Variants in RSPH14 observed in about 807,000 individuals in gnomAD.
RSPH14 encodes radial spoke head 14 homolog.
In RSPH14, 20 loss-of-function variants were observed where a neutral mutation model predicts 26.7. The observed-to-expected ratio is 0.75, with a 90% confidence interval of 0.53 to 1.09. RSPH14 has a LOEUF of 1.09. Ranked by LOEUF, RSPH14 falls within the 50% of genes least tolerant of loss-of-function variation. The pLI, the probability that RSPH14 is intolerant of heterozygous loss-of-function variation, is 0.00. For synonymous variants in RSPH14, 177 were observed against 189.3 expected (o/e 0.93, Z 0.53); for missense variants, 449 against 457.2 (o/e 0.98, Z 0.16).
At chr22:23,063,051 G>A (rs2146210079) in intron 5 of RSPH14, among the ~76,000 whole-genome samples, 1 of 152,258 alleles carries the variant, frequency 6.6e-6, no homozygotes, top group Admixed American at 6.5e-5. Flanking sequence ...GGAGGACAGG[G>A]GACAGCAGGG....
At chr22:23,087,017 G>A (rs901518569) in intron 4 of RSPH14, among the ~76,000 whole-genome samples, 1 of 152,262 alleles carries the variant, frequency 6.6e-6, no homozygotes, top group Non-Finnish European at 1.5e-5. Flanking sequence ...TAAAAGGGCA[G>A]TGGAAAGTGC....
chr22:23,178,415 C>CAAA, the RSPH14 span, among the ~76,000 whole-genome samples: 108 of 129,022 alleles, frequency 8.4e-4, no homozygotes, highest in Middle Eastern at 4.3e-3. Context: ...GACTCCGTCT[C>CAAA]AAAAAAAAAA....
chr22:23,179,174 G>A, the RSPH14 span, among the ~76,000 whole-genome samples: 1 of 152,312 alleles, frequency 6.6e-6, no homozygotes, highest in African/African-American at 2.4e-5. Flanking sequence ...TCCAGATGAC[G>A]CTGGCATTGG....
rs1266328498 is a variant in RSPH14 at position 23,074,924 on chromosome 22, A to G, written c.422-10791T>C. Among the ~76,000 whole-genome samples the G allele has an allele frequency of 2.0e-5, 3 of 152,166 alleles. No homozygotes were observed. The East Asian group carries it at 5.8e-4, about 29-fold the overall frequency. Reference sequence around the variant, plus strand: ...TGGCGCACACCTGTAATCCTATACTATGGGAGACTGAGGTAGGAGGATCAC... The same window carrying G: ...TGGCGCACACCTGTAATCCTATACTGTGGGAGACTGAGGTAGGAGGATCAC... On this transcript the variant is annotated intron_variant, in intron 4 of 6. Transcript: ENST00000216036.
chr22:23,087,363 C>T (rs1402621670), intron 4 of RSPH14, among the ~76,000 whole-genome samples: 1 of 152,128 alleles, frequency 6.6e-6, no homozygotes. Context: ...CTACTCGAGG[C>T]TCAGGTGGGA....
At chr22:23,123,852 G>A (rs1009494610) in intron 4 of RSPH14, 1 of 224,068 alleles carries the variant, frequency 4.5e-6, no homozygotes, top group African/African-American at 2.3e-5. Flanking sequence ...TCGCCTGGAG[G>A]AGGGCCAGCT....
Position 23,067,001 on chromosome 22 carries a change from G to C in RSPH14, c.422-2868C>G, listed in dbSNP as rs564034698. Among the ~76,000 whole-genome samples the C allele has an allele frequency of 2.1e-4, 32 of 152,318 alleles. 1 individual carries two copies. The South Asian group carries it at 6.0e-3, about 29-fold the overall frequency. ...CCTAGGGGCTCTGGAGGTGCACAAAGGGAGGCCCCGGGGAAGCTGGTTCTC... is the reference window on the plus strand; with the variant it reads ...CCTAGGGGCTCTGGAGGTGCACAAACGGAGGCCCCGGGGAAGCTGGTTCTC... On this transcript the variant is annotated intron_variant, in intron 4 of 6. Coordinates refer to ENST00000216036, the MANE Select transcript of RSPH14 (RefSeq NM_014433.3).
rs780071670 is a variant in RSPH14, at chr22:23,140,318, G to C, written c.103C>G (p.Leu35Val). The C allele has an allele frequency of 6.2e-7, 1 of 1,614,096 alleles. No homozygotes were observed. The highest frequency in any genetic ancestry group is 1.3e-5 in the African/African-American group (1 of 74,934). The stretch of plus-strand genomic sequence containing the variant: ...CTCGTCTGGAGGTCCTCTGACTGCA[G>C]CTCCTCCTTCAGCTTGGGCAGGGCC... ...HRALPKLKEE[L>V]QSEDLQTRQK... The change falls in exon 2 of 7, where the codon CTG becomes GTG. Residue 35 changes from leucine (L) to valine (V), a missense_variant. Leu to Val is a conservative substitution (Grantham distance 32). Transcript: ENST00000216036.
intron 4 of RSPH14, among the ~76,000 whole-genome samples, chr22:23,094,517 G>A (rs2069069347): frequency 6.6e-6 from 1 of 152,208 alleles, no homozygotes; most frequent in Admixed American, 6.5e-5. Context: ...TGGTCTCCCA[G>A]GTGGATTTCC....
chr22:23,147,292 T>C (rs1341345582), upstream of RSPH14, among the ~76,000 whole-genome samples: 1 of 152,128 alleles, frequency 6.6e-6, no homozygotes, highest in East Asian at 1.9e-4. Flanking sequence ...TTTACCAATA[T>C]AGAAGATGAC....
chr22:23,163,637 G>C, the RSPH14 span: 3 of 131,588 alleles, frequency 2.3e-5, no homozygotes, highest in African/African-American at 8.0e-5. Context: ...CTGCGCCCCT[G>C]AAGTGTCTCC....
chr22:23,097,830 A>G (rs2069171510), intron 4 of RSPH14, among the ~76,000 whole-genome samples: 1 of 152,240 alleles, frequency 6.6e-6, no homozygotes. Context: ...GGACAGTGCC[A>G]TGGTGGGTCT....
intron 6 of RSPH14, 56 bp from the exon 7 acceptor site, chr22:23,059,774 C>G: frequency 6.7e-7 from 1 of 1,484,534 alleles, no homozygotes; most frequent in Non-Finnish European, 8.9e-7. Context: ...TCTTCTCACC[C>G]CCTCTCACCC....
chr22:23,170,868 A>G, the RSPH14 span, among the ~76,000 whole-genome samples: 1 of 151,974 alleles, frequency 6.6e-6, no homozygotes, highest in South Asian at 2.1e-4. Context: ...CCACTTAGAG[A>G]TGGGGTCTGA....
At chr22:23,172,483 G>A in the RSPH14 span, among the ~76,000 whole-genome samples, 17 of 151,652 alleles carry the variant, frequency 1.1e-4, no homozygotes, top group Middle Eastern at 3.4e-3. Flanking sequence ...GGGAGGCCGA[G>A]GCGGGCAGAT....
intron 4 of RSPH14, among the ~76,000 whole-genome samples, chr22:23,128,437 C>G (rs1951867807): frequency 6.6e-6 from 1 of 152,214 alleles, no homozygotes; most frequent in South Asian, 2.1e-4. Context: ...TGTGTGACAT[C>G]TGTCTCTACA....
chr22:23,153,497 C>T, the RSPH14 span: 1 of 915,232 alleles, frequency 1.1e-6, no homozygotes, highest in Non-Finnish European at 1.3e-6. Context: ...CCGCAGGTTG[C>T]TGCTGAGCTC....
chr22:23,083,221 G>A (rs1034184911), intron 4 of RSPH14, among the ~76,000 whole-genome samples: 1 of 152,124 alleles, frequency 6.6e-6, no homozygotes, highest in African/African-American at 2.4e-5. Context: ...GAAGCAAGAG[G>A]GCTGTGGGAG....
chr22:23,104,857 A>G (rs2069414251), intron 4 of RSPH14, among the ~76,000 whole-genome samples: 1 of 152,184 alleles, frequency 6.6e-6, no homozygotes, highest in Non-Finnish European at 1.5e-5. Context: ...TAGTTTCTGG[A>G]GGGATTGGAA....
Sources: allele counts gnomAD v4.1 joint callset (sites outside exome capture counted in the v4.1 genomes callset), GRCh38; gene constraint gnomAD v4.1.1; transcripts MANE v1.5; gene names NCBI Gene and HGNC (gene_info 2026-07-23, HGNC 2026-07-21).